DNAAF9: variants seen among roughly 807,000 people sequenced by gnomAD.
The protein encoded by DNAAF9 is shulin.
DNAAF9 carries 90 observed loss-of-function variants against 167.0 expected under a neutral mutation model. The ratio of observed to expected loss-of-function variants is 0.54; its 90% CI spans 0.45 to 0.64. DNAAF9 has a LOEUF of 0.64. DNAAF9 is among the 30% of genes least tolerant of loss of function. The pLI is 0.00. For missense variants in DNAAF9, 1,315 were observed against 1,442.2 expected, an observed-to-expected ratio of 0.91 and a Z score of 1.43; for synonymous variants, 491 against 508.8, an observed-to-expected ratio of 0.96 and a Z score of 0.47.
chr20:3,373,661 T>C (rs542634395), intron 6 of DNAAF9, among the ~76,000 whole-genome samples: 1 of 152,326 alleles, frequency 6.6e-6, no homozygotes, highest in African/African-American at 2.4e-5. Flanking sequence ...GTTTTTGTAC[T>C]TAAGGAGCTT....
chr20:3,343,689 T>C lies in DNAAF9; in HGVS notation c.832A>G (p.Ile278Val), dbSNP rs1336171939. 6 of 1,611,330 alleles carry C rather than the reference T, an allele frequency of 3.7e-6. No homozygotes were observed. The highest frequency in any genetic ancestry group is 2.2e-5 in the East Asian group (1 of 44,812). The change falls in exon 9 of 37, where the codon ATA (isoleucine) becomes GTA (valine). Residue 278 changes from isoleucine (I) to valine (V), a missense_variant. Coordinates refer to ENST00000252032, the MANE Select transcript of DNAAF9 (RefSeq NM_001009984.3). ...YFSHGMISSH[I>V]TENSPNRQPF... The stretch of plus-strand genomic sequence containing the variant: ...AAAGAAACTTACCTGTTTTCAGTTA[T>C]ATGGCTAGAGATCATTCCATGACTG...
chr20:3,375,049 G>A lies in DNAAF9; in HGVS notation c.486C>T (p.Gly162=), dbSNP rs1331174094. Residue 162 remains glycine (G), a synonymous_variant, in exon 5 of 37, where the codon GGC becomes GGT. Transcript: ENST00000252032. ...VDMVRDCSRI[G]IPYSSQGHLQ... ...ACTCACCTTGGGAGCTGTAAGGAAT[G>A]CCAATTCTACTACAGTCTCGAACCA... 6.2e-7 allele frequency: 1 copy of A among 1,602,502 alleles called. No homozygotes were observed. Among genetic ancestry groups the A allele is most frequent in the Non-Finnish European group, 8.5e-7 (1 of 1,169,600 alleles).
intron 30 of DNAAF9, among the ~76,000 whole-genome samples, chr20:3,266,902 G>A (rs140654482): frequency 0.012 from 1,746 of 147,010 alleles, 25 homozygotes; most frequent in African/African-American, 0.041. Flanking sequence ...GCCTAGGCTA[G>A]AGTGCAATGG....
chr20:3,304,724 G>A (rs1156471744), intron 20 of DNAAF9, among the ~76,000 whole-genome samples, 181 bp from the exon 21 acceptor site: 3 of 152,128 alleles, frequency 2.0e-5, no homozygotes, highest in African/African-American at 7.2e-5. Flanking sequence ...AGCCTCAGAG[G>A]GAAATGAGGC....
At chr20:3,344,630 CA>C (rs1253237703) in intron 8 of DNAAF9, among the ~76,000 whole-genome samples, 13 of 129,842 alleles carry the variant, frequency 1.0e-4, no homozygotes, top group African/African-American at 1.6e-4. Flanking sequence ...CACACACACA[CA>C]CACACACACC....
chr20:3,270,700 T>A, intron 29 of DNAAF9, 138 bp from the exon 30 acceptor site: 1 of 650,248 alleles, frequency 1.5e-6, no homozygotes, highest in South Asian at 1.8e-5. Flanking sequence ...TACACCCCAA[T>A]ACCAACATAA....
chr20:3,369,251 C>T (rs922545382), intron 6 of DNAAF9, among the ~76,000 whole-genome samples: 1 of 151,766 alleles, frequency 6.6e-6, no homozygotes, highest in Non-Finnish European at 1.5e-5. Flanking sequence ...TTTTATTTCT[C>T]TTTATGATTG....
intron 10 of DNAAF9, 71 bp downstream of exon 10, chr20:3,340,433 T>TCCCTCCCCCC: frequency 4.5e-6 from 1 of 221,214 alleles, no homozygotes; most frequent in Non-Finnish European, 9.5e-6. Flanking sequence ...TTTGTCTAGC[T>TCCCTCCCCCC]CCCCCCACCC....
intron 23 of DNAAF9, among the ~76,000 whole-genome samples, 153 bp from the exon 24 acceptor site, chr20:3,294,782 T>C (rs2069034973): frequency 6.6e-6 from 1 of 152,110 alleles, no homozygotes; most frequent in Non-Finnish European, 1.5e-5. Context: ...GAGGTGTTAG[T>C]GCATGATGAT....
Position 3,326,214 on chromosome 20 carries a change from T to C in DNAAF9, c.1171A>G (p.Thr391Ala). 4 of 1,608,566 alleles carry C rather than the reference T, an allele frequency of 2.5e-6. No individual in the cohort carries two copies. The highest frequency in any genetic ancestry group is 3.4e-6 in the Non-Finnish European group (4 of 1,175,032). Residue 391 changes from threonine (T) to alanine (A), a missense_variant, in exon 13 of 37, where the codon ACT (threonine) becomes GCT (alanine). Around this residue, in one of 2 missense-constraint regions of DNAAF9, gnomAD observed 981 missense variants for 1,012.5 expected, o/e 0.97. Transcript: ENST00000252032. Reference sequence around the variant, plus strand: ...TAAATTACCTTTGTTAGACTGGAAGTTTTAGCATAACATGCAATGCCAGCC... The same window carrying C: ...TAAATTACCTTTGTTAGACTGGAAGCTTTAGCATAACATGCAATGCCAGCC... ...VLAGIACYAK[T>A]SSLTKAKEVA...
intron 16 of DNAAF9, among the ~76,000 whole-genome samples, chr20:3,319,642 C>T: frequency 6.6e-6 from 1 of 152,150 alleles, no homozygotes. Flanking sequence ...CCTGGGACGC[C>T]TGTCCCACCC....
At position 3,374,139 on chromosome 20, in the gene DNAAF9, A is replaced by T. The variant is rs1555798263; in HGVS notation, c.521T>A (p.Phe174Tyr). 6.2e-7 allele frequency: 1 copy of T among 1,610,648 alleles called. No individual in the cohort carries two copies. Among genetic ancestry groups the T allele is most frequent in the East Asian group, 2.2e-5 (1 of 44,868 alleles). ...CCATTTCTCCACCACAAACATATCA[A>T]ATATCTGCAAGTGACCTAGAAGAAT... ...PYSSQGHLQI[F>Y]DMFVVEKWPI... Residue 174 changes from phenylalanine to tyrosine, a missense_variant, in exon 6 of 37, where the codon TTT becomes TAT. Transcript: ENST00000252032.
At chr20:3,396,325 CTTTT>C (rs899292957) in intron 1 of DNAAF9, among the ~76,000 whole-genome samples, 1 of 152,136 alleles carries the variant, frequency 6.6e-6, no homozygotes, top group Non-Finnish European at 1.5e-5. Flanking sequence ...TTCTCTCTTC[CTTTT>C]TTTATTTACA....
chr20:3,361,043 G>C (rs1326269235), intron 6 of DNAAF9, among the ~76,000 whole-genome samples: 1 of 152,176 alleles, frequency 6.6e-6, no homozygotes, highest in Non-Finnish European at 1.5e-5. Flanking sequence ...CTGGTGGAGA[G>C]TGAATAAGTA....
chr20:3,281,746 A>G lies in DNAAF9; in HGVS notation c.2507T>C (p.Val836Ala). 2 of 1,611,770 alleles carry G rather than the reference A, an allele frequency of 1.2e-6. No homozygotes were observed. Among genetic ancestry groups the G allele is most frequent in the Non-Finnish European group, 1.7e-6 (2 of 1,179,104 alleles). The change falls in exon 28 of 37, where the codon GTT becomes GCT. Residue 836 changes from valine (V) to alanine (A), a missense_variant. Physicochemically the swap from Val to Ala is moderately conservative, Grantham distance 64. Around this residue, in one of 2 missense-constraint regions of DNAAF9, gnomAD observed 334 missense variants for 429.7 expected, o/e 0.78. Coordinates refer to ENST00000252032, the MANE Select transcript of DNAAF9 (RefSeq NM_001009984.3). Reference protein sequence around the residue: ...VLQGYTDVIDVVQALQTHPDS... With the variant: ...VLQGYTDVIDAVQALQTHPDS... ...TGGGTGGGTCTGCAGGGCCTGGACA[A>G]CATCAATAACATCTGTGTAGCTGGG...
intron 34 of DNAAF9, 67 bp downstream of exon 34, chr20:3,255,939 G>T: frequency 7.9e-7 from 1 of 1,263,106 alleles, no homozygotes; most frequent in South Asian, 1.3e-5. Context: ...GGGCTTCTCA[G>T]GGCCAACAGC....
At position 3,260,175 on chromosome 20, in the gene DNAAF9, T is replaced by C. The variant is rs572308676; in HGVS notation, c.2874-147A>G. On this transcript the variant is annotated intron_variant, in intron 31 of 36. Coordinates refer to ENST00000252032, the MANE Select transcript of DNAAF9 (RefSeq NM_001009984.3). Reference sequence around the variant, plus strand: ...TAACAAGGTGAAACCCCGTCTCTACTAAAAATACAAAAAATTAGCCGGGCG... The same window carrying C: ...TAACAAGGTGAAACCCCGTCTCTACCAAAAATACAAAAAATTAGCCGGGCG... 120 of 489,534 alleles carry C rather than the reference T, an allele frequency of 2.5e-4. 2 individuals are homozygous for C. Among genetic ancestry groups the C allele is most frequent in the South Asian group, 2.1e-3 (91 of 44,180 alleles). The allele number at this position is 489,534 out of a possible 1,614,324, so 30.3% of individuals were successfully genotyped here.
At chr20:3,275,756 G>A (rs1212505926) in intron 29 of DNAAF9, among the ~76,000 whole-genome samples, 1 of 152,182 alleles carries the variant, frequency 6.6e-6, no homozygotes, top group African/African-American at 2.4e-5. Context: ...TCAAGGAGTG[G>A]ACAGCCAGAT....
chr20:3,348,600 C>T lies in DNAAF9; in HGVS notation c.714G>A (p.Gln238=). 3 of 1,601,590 alleles carry T rather than the reference C, an allele frequency of 1.9e-6. No individual in the cohort carries two copies. The highest frequency in any genetic ancestry group is 1.7e-6 in the Non-Finnish European group (2 of 1,173,040). Residue 238 remains glutamine (Q), a synonymous_variant, in exon 8 of 37, where the codon CAG becomes CAA. Transcript: ENST00000252032. ...CAAAATTAGCGAAGAAGCTAGTCCA[C>T]TGATGTTCAAAAGCCACCAAATCCT... is the stretch of plus-strand genomic sequence containing the variant. ...LSDDLVAFEH[Q]WTSFFANFDT...
Sources: gnomAD v4.1 joint callset for allele counts (sites outside exome capture counted in the v4.1 genomes callset) on GRCh38, gnomAD v4.1.1 for gene constraint, gnomAD v4.1.1 regional missense constraint, MANE v1.5 for transcripts, NCBI Gene and HGNC (gene_info 2026-07-23, HGNC 2026-07-21) for gene names.